The following TENM1 variants were observed in gnomAD, a reference collection of about 807,000 sequenced individuals.
The protein encoded by TENM1 is teneurin transmembrane protein 1.
Under a neutral mutation model 174.8 loss-of-function variants are expected in TENM1, and 35 were observed. The ratio of observed to expected loss-of-function variants is 0.20; its 90% CI spans 0.15 to 0.27. The LOEUF (loss-of-function observed/expected upper bound fraction) is 0.27. Among genes scored for constraint, TENM1 ranks in the 10% least tolerant of loss-of-function variants. The pLI, the probability that TENM1 is intolerant of heterozygous loss-of-function variation, is 1.00. For synonymous variants in TENM1, 781 were observed against 798.7 expected, an observed-to-expected ratio of 0.98 and a Z score of 0.37; for missense variants, 1,633 against 2,130.1, an observed-to-expected ratio of 0.77 and a Z score of 4.59.
intron 25 of TENM1, among the ~76,000 whole-genome samples, chrX:124,409,359 T>C (rs1447006091): frequency 1.8e-5 from 2 of 109,517 alleles, no homozygotes; most frequent in African/African-American, 6.7e-5. Flanking sequence ...AATTAGGTAT[T>C]GATGGGACGT....
At position 124,517,061 on chromosome X, in the gene TENM1, T is replaced by A. The variant is rs540748134; in HGVS notation, c.3301+3456A>T. ...ACTAACGCAGAAACAGAAAACCAAA[T>A]ACCGCATGTTCTCTCTTATAAGTGG... is the stretch of plus-strand genomic sequence containing the variant. On this transcript the variant is annotated intron_variant, in intron 18 of 31. Coordinates refer to ENST00000422452, the Ensembl canonical transcript of TENM1. 6.4e-4 allele frequency among the ~76,000 whole-genome samples: 71 copies of A among 111,183 alleles called. No homozygotes were observed. The South Asian group carries it at 0.025, about 40-fold the overall frequency.
intron 1 of TENM1, among the ~76,000 whole-genome samples, chrX:124,960,152 A>G (rs1381686622): frequency 1.8e-5 from 2 of 112,028 alleles, no homozygotes; most frequent in Non-Finnish European, 3.8e-5. Flanking sequence ...CGACTTCACA[A>G]TCTGGCTCCA....
rs184183179 is a variant in TENM1 at position 124,662,125 on chromosome X, T to C, written c.1169-8342A>G. On this transcript the variant is annotated intron_variant, in intron 6 of 31. Coordinates refer to ENST00000422452, the Ensembl canonical transcript of TENM1. ...AATCTTCTTTCTTACTCATACTCGG[T>C]GTCTCCCTCTCTATTGGCTCCTCAT... Among the ~76,000 whole-genome samples the C allele has an allele frequency of 4.5e-4, 50 of 111,071 alleles. No homozygotes were observed. The East Asian group carries it at 0.012, about 27-fold the overall frequency.
At chrX:124,809,159 G>A (rs1237130755) in intron 3 of TENM1, among the ~76,000 whole-genome samples, 1 of 111,614 alleles carries the variant, frequency 9.0e-6, no homozygotes, top group Non-Finnish European at 1.9e-5. Flanking sequence ...TTCATGATAT[G>A]ATTATGAACA....
At chrX:125,077,270 A>G in the TENM1 span, among the ~76,000 whole-genome samples, 1 of 111,476 alleles carries the variant, frequency 9.0e-6, no homozygotes, top group African/African-American at 3.3e-5. Flanking sequence ...GGTTAATTTC[A>G]AAATGTTATT....
At chrX:124,770,412 T>G (rs757698477) in intron 3 of TENM1, among the ~76,000 whole-genome samples, 1 of 111,544 alleles carries the variant, frequency 9.0e-6, no homozygotes, top group Admixed American at 9.6e-5. Flanking sequence ...TTTTTACACC[T>G]TACTTATTTT....
chrX:124,974,696 T>C, the TENM1 span, among the ~76,000 whole-genome samples: 4 of 107,945 alleles, frequency 3.7e-5, no homozygotes, highest in East Asian at 1.1e-3. Context: ...ATGAGACAAG[T>C]GGAGAGGTAA....
chrX:125,155,162 G>C, the TENM1 span, among the ~76,000 whole-genome samples: 1 of 111,071 alleles, frequency 9.0e-6, no homozygotes, highest in Non-Finnish European at 1.9e-5. Context: ...GGTTGTCCAC[G>C]TCCCCACCAG....
chrX:124,815,679 A>C lies in TENM1; in HGVS notation c.536-78482T>G, dbSNP rs949126634. 9.9e-5 allele frequency among the ~76,000 whole-genome samples: 11 copies of C among 111,422 alleles called. No homozygotes were observed. In the Admixed American group the frequency reaches 1.1e-3, roughly 11 times the overall value. ...ATAATAACAGAATCTCTGTTCATTA[A>C]AAAAGAGTACTTTAGTTGAATAAAG... On this transcript the variant is annotated intron_variant, in intron 3 of 31. Transcript: ENST00000422452.
At chrX:124,852,150 T>C (rs934853185) in intron 3 of TENM1, among the ~76,000 whole-genome samples, 2 of 111,071 alleles carry the variant, frequency 1.8e-5, no homozygotes, top group Non-Finnish European at 3.8e-5. Context: ...AGTTTTAAGA[T>C]GTTGGAAAGG....
chrX:125,113,289 G>A, the TENM1 span, among the ~76,000 whole-genome samples: 3 of 111,038 alleles, frequency 2.7e-5, no homozygotes, highest in African/African-American at 9.8e-5. Flanking sequence ...ACTACCAGAG[G>A]AAAATGCAGC....
At chrX:124,722,579 G>A (rs192656397) in intron 4 of TENM1, among the ~76,000 whole-genome samples, 43 of 110,952 alleles carry the variant, frequency 3.9e-4, no homozygotes, top group African/African-American at 1.2e-3. Flanking sequence ...GGTGGCTCAC[G>A]CCTGTAATCC....
At chrX:124,572,605 CAT>C (rs1440989117) in intron 11 of TENM1, among the ~76,000 whole-genome samples, 1 of 110,834 alleles carries the variant, frequency 9.0e-6, no homozygotes, top group Non-Finnish European at 1.9e-5. Context: ...CAACCAAAGA[CAT>C]AAAAAATTGG....
the TENM1 span, among the ~76,000 whole-genome samples, chrX:125,027,906 T>C: frequency 8.9e-6 from 1 of 112,017 alleles, no homozygotes; most frequent in Non-Finnish European, 1.9e-5. Flanking sequence ...CAGTGGAATA[T>C]AAATTAAATC....
At chrX:125,122,835 T>C in the TENM1 span, among the ~76,000 whole-genome samples, 1 of 65,448 alleles carries the variant, frequency 1.5e-5, no homozygotes, top group Admixed American at 1.4e-4. Flanking sequence ...AGGGTTATTA[T>C]TTTTAATTAA....
At chrX:125,044,429 A>T in the TENM1 span, among the ~76,000 whole-genome samples, 1 of 107,530 alleles carries the variant, frequency 9.3e-6, no homozygotes, top group African/African-American at 3.4e-5. Flanking sequence ...CTCTACAAAA[A>T]ATTTTTAAAA....
At chrX:125,037,341 G>A in the TENM1 span, among the ~76,000 whole-genome samples, 1 of 109,996 alleles carries the variant, frequency 9.1e-6, no homozygotes, top group Non-Finnish European at 1.9e-5. Flanking sequence ...CATACCACGG[G>A]GTAGTAAGAT....
the TENM1 span, among the ~76,000 whole-genome samples, chrX:125,105,258 A>G: frequency 9.0e-6 from 1 of 111,656 alleles, no homozygotes; most frequent in African/African-American, 3.3e-5. Flanking sequence ...TGGAATCCCA[A>G]ACCACAGAGA....
intron 3 of TENM1, among the ~76,000 whole-genome samples, chrX:124,741,270 T>C (rs1275013805): frequency 8.9e-6 from 1 of 111,997 alleles, no homozygotes; most frequent in Non-Finnish European, 1.9e-5. Flanking sequence ...TTTTTGCCAA[T>C]ACACCTTATT....
Sources: gnomAD v4.1 joint callset for allele counts (sites outside exome capture counted in the v4.1 genomes callset) on GRCh38, gnomAD v4.1.1 for gene constraint, MANE v1.5 for transcripts, NCBI Gene and HGNC (gene_info 2026-07-23, HGNC 2026-07-21) for gene names.